TLK2: variants seen among roughly 807,000 people sequenced by gnomAD.
TLK2 encodes tousled like kinase 2.
TLK2 carries 6 observed loss-of-function variants against 117.3 expected under a neutral mutation model. The ratio of observed to expected loss-of-function variants is 0.05; its 90% CI spans 0.03 to 0.10. The LOEUF is 0.10. Among genes scored for constraint, TLK2 ranks in the 10% least tolerant of loss-of-function variants. The pLI, the probability that TLK2 is intolerant of heterozygous loss-of-function variation, is 1.00. For missense variants in TLK2, 299 were observed against 901.2 expected, an observed-to-expected ratio of 0.33 and a Z score of 8.56; for synonymous variants, 257 against 316.7, an observed-to-expected ratio of 0.81 and a Z score of 2.00.
At chr17:62,487,756 T>C (rs1425754479) in intron 2 of TLK2, among the ~76,000 whole-genome samples, 4 of 148,792 alleles carry the variant, frequency 2.7e-5, no homozygotes, top group Non-Finnish European at 4.4e-5. Flanking sequence ...CCCAAATAGC[T>C]GGGATTACAG....
Position 62,534,510 on chromosome 17 carries a change from T to C in TLK2, c.364-1660T>C, listed in dbSNP as rs189424363. On this transcript the variant is annotated intron_variant, in intron 6 of 21. Coordinates refer to ENST00000346027, the MANE Select transcript of TLK2 (RefSeq NM_006852.6). ...TACTTTGAATCTGCTTTTCCTTCTG[T>C]TACATGCTCTGATTAAAATCAGTTG... 2.5e-3 allele frequency among the ~76,000 whole-genome samples: 375 copies of C among 152,316 alleles called. 1 individual carries two copies. The highest frequency in any genetic ancestry group is 8.3e-3 in the African/African-American group (344 of 41,576).
At chr17:62,604,253 C>T (rs1598887636) in intron 19 of TLK2, among the ~76,000 whole-genome samples, 1 of 151,982 alleles carries the variant, frequency 6.6e-6, no homozygotes. Context: ...GTGATCCACC[C>T]GCCTCGGCCT....
At chr17:62,513,430 G>A (rs1567825555) in intron 2 of TLK2, among the ~76,000 whole-genome samples, 1 of 146,762 alleles carries the variant, frequency 6.8e-6, no homozygotes, top group South Asian at 2.2e-4. Context: ...CTGAGCTCCC[G>A]CCTGAGCCTT....
chr17:62,601,670 C>T (rs2082886458), intron 18 of TLK2, among the ~76,000 whole-genome samples: 1 of 152,138 alleles, frequency 6.6e-6, no homozygotes, highest in South Asian at 2.1e-4. Context: ...TTGATTCCTC[C>T]CCCACACCCC....
intron 2 of TLK2, among the ~76,000 whole-genome samples, chr17:62,484,988 G>A (rs1243317867): frequency 2.6e-5 from 4 of 152,148 alleles, no homozygotes; most frequent in African/African-American, 7.2e-5. Context: ...CCCGGGAGGC[G>A]GGGCTTGCAG....
intron 2 of TLK2, chr17:62,516,784 T>G: frequency 6.8e-7 from 1 of 1,466,686 alleles, no homozygotes; most frequent in African/African-American, 1.4e-5. Context: ...AGCTGCAGGG[T>G]CCGGGGCCGG....
At chr17:62,571,352 A>G (rs925311853) in intron 11 of TLK2, among the ~76,000 whole-genome samples, 6 of 152,158 alleles carry the variant, frequency 3.9e-5, no homozygotes, top group Non-Finnish European at 8.8e-5. Context: ...TATGTAAATA[A>G]TTGTCATACT....
At chr17:62,522,799 A>G (rs1457750698) in intron 4 of TLK2, among the ~76,000 whole-genome samples, 1 of 152,202 alleles carries the variant, frequency 6.6e-6, no homozygotes, top group African/African-American at 2.4e-5. Context: ...CATTCTAAGG[A>G]ATAGAAAGCC....
At chr17:62,521,422 C>T (rs1308077379) in intron 3 of TLK2, among the ~76,000 whole-genome samples, 6 of 152,144 alleles carry the variant, frequency 3.9e-5, no homozygotes, top group Admixed American at 2.6e-4. Flanking sequence ...CAACTTTTTT[C>T]GAGACATGGC....
intron 1 of TLK2, among the ~76,000 whole-genome samples, chr17:62,471,632 C>T (rs2070940604): frequency 1.7e-5 from 2 of 118,600 alleles, no homozygotes; most frequent in East Asian, 2.2e-4. Context: ...AACGAGCTGG[C>T]GGGAACAGGG....
At chr17:62,489,554 C>T (rs1321621730) in intron 2 of TLK2, among the ~76,000 whole-genome samples, 1 of 152,028 alleles carries the variant, frequency 6.6e-6, no homozygotes, top group African/African-American at 2.4e-5. Flanking sequence ...AATTGAGCAG[C>T]TAATGCAGAG....
chr17:62,522,540 A>G (rs1463242105), intron 4 of TLK2, among the ~76,000 whole-genome samples: 1 of 152,140 alleles, frequency 6.6e-6, no homozygotes, highest in Non-Finnish European at 1.5e-5. Flanking sequence ...CACCAAATAT[A>G]TATTGTACAA....
chr17:62,604,879 A>G (rs2083158300), intron 19 of TLK2, among the ~76,000 whole-genome samples: 1 of 152,150 alleles, frequency 6.6e-6, no homozygotes, highest in African/African-American at 2.4e-5. Flanking sequence ...AAAAAAAAAA[A>G]AATCTTGCTA....
At chr17:62,471,888 CTTTTTTTTTTTTTTTTTTTTTT>C (rs869092720) in intron 1 of TLK2, among the ~76,000 whole-genome samples, 1 of 37,776 alleles carries the variant, frequency 2.6e-5, no homozygotes, top group Non-Finnish European at 4.4e-5. Context: ...GTAGTATAGT[CTTTTTTTTTTTTTTTTTTTTTT>C]TTTTTTTAGA....
intron 2 of TLK2, among the ~76,000 whole-genome samples, chr17:62,502,346 A>T (rs1240621231): frequency 6.6e-6 from 1 of 152,164 alleles, no homozygotes; most frequent in East Asian, 1.9e-4. Flanking sequence ...TGTTAACACT[A>T]TTTGTGATAA....
chr17:62,541,226 C>T (rs2077509639), intron 7 of TLK2, among the ~76,000 whole-genome samples: 1 of 152,210 alleles, frequency 6.6e-6, no homozygotes. Flanking sequence ...CCTTAGTCTA[C>T]ACCAGCTGAC....
At chr17:62,587,413 T>A (rs1281780200) in intron 16 of TLK2, among the ~76,000 whole-genome samples, 1 of 152,064 alleles carries the variant, frequency 6.6e-6, no homozygotes. Flanking sequence ...TTTTTTTTGG[T>A]GTTTTGTTTG....
At chr17:62,514,899 C>A (rs1415711609) in intron 2 of TLK2, among the ~76,000 whole-genome samples, 1 of 152,166 alleles carries the variant, frequency 6.6e-6, no homozygotes, top group African/African-American at 2.4e-5. Context: ...GTGCCCGGCC[C>A]ACCATCTTAA....
rs1198537632 is a variant in TLK2, at chr17:62,576,727, C to T, written c.1140C>T (p.Tyr380=). ...TTTTCAGGTTAACGTTAGCAGAATACCATGAACAAGAAGAAATCTTCAAAC... is the reference window on the plus strand; with the variant it reads ...TTTTCAGGTTAACGTTAGCAGAATATCATGAACAAGAAGAAATCTTCAAAC... The part of the protein sequence containing the change: ...AENETLTLAE[Y]HEQEEIFKLR... The change falls in exon 13 of 22, where the codon TAC becomes TAT. Residue 380 remains tyrosine, a synonymous_variant. Transcript: ENST00000346027. 5.6e-6 allele frequency: 9 copies of T among 1,613,034 alleles called. No individual in the cohort carries two copies. The African/African-American group carries it at 1.1e-4, about 19-fold the overall frequency.
Sources: gnomAD v4.1 joint callset for allele counts (sites outside exome capture counted in the v4.1 genomes callset) on GRCh38, gnomAD v4.1.1 for gene constraint, MANE v1.5 for transcripts, NCBI Gene and HGNC (gene_info 2026-07-23, HGNC 2026-07-21) for gene names.